The following U2AF1L4 variants were observed in gnomAD, a reference collection of about 807,000 sequenced individuals.
The protein encoded by U2AF1L4 is splicing factor U2AF 26 kDa subunit.
Under a neutral mutation model 21.7 loss-of-function variants are expected in U2AF1L4, and 21 were observed. That is an observed-to-expected ratio of 0.97 (90% CI 0.69 to 1.39). The LOEUF is 1.39. U2AF1L4 is among the 40% of genes most tolerant of loss of function. U2AF1L4 has a pLI of 0.00. For synonymous variants in U2AF1L4, 92 were observed against 89.7 expected (o/e 1.03, Z -0.15); for missense variants, 259 against 245.7 (o/e 1.05, Z -0.36).
chr19:35,744,867 A>C, intron 2 of U2AF1L4: 1 of 807,046 alleles, frequency 1.2e-6, no homozygotes, highest in East Asian at 2.7e-5. Flanking sequence ...ACTGGCAAGG[A>C]TGAACAGCGG....
At chr19:35,744,582 C>T (rs1280267696) in intron 2 of U2AF1L4, 161 bp from the exon 3 acceptor site, 1 of 1,544,788 alleles carries the variant, frequency 6.5e-7, no homozygotes, top group Non-Finnish European at 8.7e-7. Flanking sequence ...GTGTAGCCTA[C>T]TGGGGGCTGT....
At chr19:35,742,903 T>C in intron 5 of U2AF1L4, 100 bp from the exon 6 acceptor site, 2 of 1,127,608 alleles carry the variant, frequency 1.8e-6, no homozygotes, top group Non-Finnish European at 2.6e-6. Context: ...AGGAGGGTGC[T>C]GAAATAACTA....
At chr19:35,743,748 T>A in intron 5 of U2AF1L4, 61 bp downstream of exon 5, 10 of 1,220,150 alleles carry the variant, frequency 8.2e-6, no homozygotes, top group Non-Finnish European at 1.2e-5. Flanking sequence ...AGGGTTAGGC[T>A]CATCTGAGGA....
At chr19:35,745,050 G>A in intron 2 of U2AF1L4, 75 bp downstream of exon 2, 1 of 1,446,504 alleles carries the variant, frequency 6.9e-7, no homozygotes, top group Non-Finnish European at 9.6e-7. Flanking sequence ...GAATAGGCGG[G>A]ACATGGTGAC....
rs771480201 is a variant in U2AF1L4 at position 35,745,153 on chromosome 19, C to T, written c.104G>A (p.Arg35Gln). Residue 35 changes from arginine to glutamine, a missense_variant, in exon 2 of 6, where the codon CGG (arginine) becomes CAG (glutamine). Transcript: ENST00000378975. ...GVCRHGDRCS[R>Q]LHNKPTFSQE... is the part of the protein sequence containing the mutation. ...GCTGAATGTCGGCTTGTTGTGAAGC[C>T]GGGAGCACCGGTCCCCGTGCCGGCA... 1.9e-6 allele frequency: 3 copies of T among 1,613,436 alleles called. No individual in the cohort carries two copies. The highest frequency in any genetic ancestry group is 1.7e-6 in the Non-Finnish European group (2 of 1,180,016).
chr19:35,744,026 GCGACA>G lies in U2AF1L4; in HGVS notation c.346_350del (p.Cys116ProfsTer3). The G allele has an allele frequency of 6.2e-7, 1 of 1,613,918 alleles. No homozygotes were observed. Among genetic ancestry groups the G allele is most frequent in the Non-Finnish European group, 8.5e-7 (1 of 1,180,008 alleles). The stretch of plus-strand genomic sequence containing the variant: ...AACTACCATACCCCATCTCATACTG[GCGACA>G]GCATGACTCCCGGAAGTCAGTGACA... On this transcript the variant is annotated frameshift_variant, in exon 4 of 6. Coordinates refer to ENST00000378975, the MANE Select transcript of U2AF1L4 (RefSeq NM_001040425.3). LOFTEE classifies it high-confidence loss of function.
At chr19:35,742,492 G>C (rs1016997953), downstream of U2AF1L4, 12 of 1,573,938 alleles carry the variant, frequency 7.6e-6, no homozygotes, top group Non-Finnish European at 9.5e-6. Flanking sequence ...CACATGTGTG[G>C]GTGGAGGGAA....
In U2AF1L4 at chr19:35,743,943, C is replaced by T. The variant is rs1970417144; in HGVS notation, c.366-39G>A. 3.1e-6 allele frequency: 5 copies of T among 1,609,240 alleles called. No individual in the cohort carries two copies. In the East Asian group the frequency reaches 1.1e-4, roughly 36 times the overall value. The stretch of plus-strand genomic sequence containing the variant: ...AGAGAGATGGAGGAAGCCATTGTCA[C>T]TGACAGCCCCTACCACGCATTCAAA... On this transcript the variant is annotated intron_variant, in intron 4 of 5. Transcript: ENST00000378975.
chr19:35,744,312 G>T lies in U2AF1L4; in HGVS notation c.231+11C>A, dbSNP rs1447200599. On this transcript the variant is annotated intron_variant, in intron 3 of 5. Transcript: ENST00000378975. ...TCCACTTCTGGGCCCTAAGTGGGGG[G>T]CAGCAAGCACCTTGACATAGACGTT... 6.2e-7 allele frequency: 1 copy of T among 1,613,872 alleles called. No homozygotes were observed. Among genetic ancestry groups the T allele is most frequent in the Non-Finnish European group, 8.5e-7 (1 of 1,179,842 alleles).
chr19:35,744,558 A>C, intron 2 of U2AF1L4, 137 bp from the exon 3 acceptor site: 2 of 1,504,222 alleles, frequency 1.3e-6, no homozygotes, highest in Non-Finnish European at 9.0e-7. Context: ...GGGGGCGGGC[A>C]GGGTGGAATC....
In U2AF1L4 at chr19:35,744,436, G is replaced by C. The variant is rs762392941; in HGVS notation, c.133-15C>G. 2 of 1,614,018 alleles carry C rather than the reference G, an allele frequency of 1.2e-6. No individual in the cohort carries two copies. Among genetic ancestry groups the C allele is most frequent in the African/African-American group, 2.7e-5 (2 of 75,030 alleles). ...GTGAACACCTCCTGTGGAAGACGGGGAGGAACTCAGCTGAGCTCCCACAAG... is the reference window on the plus strand; with the variant it reads ...GTGAACACCTCCTGTGGAAGACGGGCAGGAACTCAGCTGAGCTCCCACAAG... On this transcript the variant is annotated splice_polypyrimidine_tract_variant and intron_variant, in intron 2 of 5. Coordinates refer to ENST00000378975, the MANE Select transcript of U2AF1L4 (RefSeq NM_001040425.3).
At chr19:35,743,686 CAA>C (rs36076889) in intron 5 of U2AF1L4, 121 bp downstream of exon 5, 35,897 of 468,190 alleles carry the variant, frequency 0.077, no homozygotes, top group East Asian at 0.09. Context: ...GGCTCCATCT[CAA>C]AAAAAAAAAA....
Position 35,743,761 on chromosome 19 carries a change from T to C in U2AF1L4, c.461+48A>G, listed in dbSNP as rs367972641. ...TTAGGGTTAGGCTCATCTGAGGATATAGGGGCCTTAGGACATGAGGAGACA... is the reference window on the plus strand; with the variant it reads ...TTAGGGTTAGGCTCATCTGAGGATACAGGGGCCTTAGGACATGAGGAGACA... On this transcript the variant is annotated intron_variant, in intron 5 of 5. Transcript: ENST00000378975. 5.4e-5 allele frequency: 80 copies of C among 1,493,082 alleles called. 1 individual carries two copies. In the South Asian group the frequency reaches 5.9e-4, roughly 11 times the overall value. The allele number at this position is 1,493,082 out of a possible 1,614,324, so 92.5% of individuals were successfully genotyped here.
intron 2 of U2AF1L4, 50 bp from the exon 3 acceptor site, chr19:35,744,471 C>G (rs752098884): frequency 2.2e-5 from 35 of 1,613,834 alleles, no homozygotes; most frequent in Non-Finnish European, 3.0e-5. Flanking sequence ...GAAACCCCAT[C>G]TGCCCCTACC....
chr19:35,744,297 G>A, intron 3 of U2AF1L4, 26 bp downstream of exon 3: 1 of 1,613,364 alleles, frequency 6.2e-7, no homozygotes, highest in South Asian at 1.1e-5. Context: ...TCCACTTCTG[G>A]GCCCTAAGTG....
rs199937339 is a variant in U2AF1L4, at chr19:35,742,614, G to C, written c.*105C>G. The C allele has an allele frequency of 3.5e-5, 56 of 1,613,948 alleles. No homozygotes were observed. The Admixed American group carries it at 6.0e-4, about 17-fold the overall frequency. The stretch of plus-strand genomic sequence containing the variant: ...CTGAACAGATTACATTATGGAGCCC[G>C]GGAGCCTGGGAAGGATGGGGCAGGA... On this transcript the variant is annotated 3_prime_UTR_variant, in exon 6 of 6. Coordinates refer to ENST00000378975, the MANE Select transcript of U2AF1L4 (RefSeq NM_001040425.3).
At chr19:35,743,436 A>G (rs1970378328) in intron 5 of U2AF1L4, 8 of 276,930 alleles carry the variant, frequency 2.9e-5, no homozygotes, top group South Asian at 2.7e-4. Flanking sequence ...CACGCCTGTA[A>G]TCCCAGCACT....
chr19:35,744,042 CG>C lies in U2AF1L4; in HGVS notation c.334del (p.Arg112GlyfsTer111), dbSNP rs778213898. The C allele has an allele frequency of 6.2e-7, 1 of 1,614,020 alleles. No homozygotes were observed. Among genetic ancestry groups the C allele is most frequent in the Admixed American group, 1.7e-5 (1 of 60,016 alleles). ...CTCATACTGGCGACAGCATGACTCC[CG>C]GAAGTCAGTGACAGGAGACAGCTCA... ...HGELSPVTDF[R>X]ESCCRQYEMG... On this transcript the variant is annotated frameshift_variant, in exon 4 of 6. Transcript: ENST00000378975. LOFTEE classifies it high-confidence loss of function.
At position 35,744,375 on chromosome 19, in the gene U2AF1L4, A is replaced by G; in HGVS notation, c.179T>C (p.Met60Thr). 2 of 1,614,126 alleles carry G rather than the reference A, an allele frequency of 1.2e-6. No individual in the cohort carries two copies. The highest frequency in any genetic ancestry group is 2.2e-5 in the South Asian group (2 of 91,088). The change falls in exon 3 of 6, where the codon ATG (methionine) becomes ACG (threonine). Residue 60 changes from methionine to threonine, a missense_variant. Physicochemically the swap from Met to Thr is moderately conservative, Grantham distance 81 (BLOSUM62 -1). Transcript: ENST00000378975. ...GTCCCCAAGGTTGTCGCACACATTCATCTCTTCAATCTCCCCATACTTCTC... is the reference window on the plus strand; with the variant it reads ...GTCCCCAAGGTTGTCGCACACATTCGTCTCTTCAATCTCCCCATACTTCTC... ...LQEKYGEIEE[M>T]NVCDNLGDHL...
Sources: gnomAD v4.1 joint callset for allele counts on GRCh38, gnomAD v4.1.1 for gene constraint, MANE v1.5 for transcripts, NCBI Gene and HGNC (gene_info 2026-07-23, HGNC 2026-07-21) for gene names.